The following SNX27 variants were observed in gnomAD, a reference collection of about 807,000 sequenced individuals.
SNX27 encodes the protein sorting nexin 27, also known as sorting nexin-27.
SNX27 carries 22 observed loss-of-function variants against 71.6 expected under a neutral mutation model. That is an observed-to-expected ratio of 0.31 (90% CI 0.22 to 0.44). SNX27 has a LOEUF of 0.44. SNX27 is among the 20% of genes least tolerant of loss of function. The pLI is 1.00. For missense variants in SNX27, 531 were observed against 698.6 expected (o/e 0.76, Z 2.70); for synonymous variants, 269 against 277.2 (o/e 0.97, Z 0.29).
At chr1:151,652,373 T>C (rs1035039127) in intron 2 of SNX27, among the ~76,000 whole-genome samples, 2 of 151,972 alleles carry the variant, frequency 1.3e-5, no homozygotes, top group Admixed American at 6.6e-5. Flanking sequence ...ATGAGACTGT[T>C]AGAGGAACTC....
intron 1 of SNX27, among the ~76,000 whole-genome samples, chr1:151,626,307 C>T (rs952927049): frequency 2.6e-5 from 4 of 151,150 alleles, no homozygotes; most frequent in African/African-American, 9.7e-5. Flanking sequence ...AAAGATGAGA[C>T]CTAATTAGAA....
intron 2 of SNX27, among the ~76,000 whole-genome samples, chr1:151,650,205 T>A (rs1263684636): frequency 3.3e-5 from 5 of 151,978 alleles, no homozygotes; most frequent in African/African-American, 1.2e-4. Context: ...TTTAAAAATT[T>A]TTAGTAGAGA....
In SNX27 at chr1:151,696,651, GTTTTT is replaced by G. The variant is rs5777782; in HGVS notation, c.*2248_*2252del. 0.35 allele frequency: 40,241 copies of G among 113,358 alleles called. 6,107 individuals carry two copies. Among genetic ancestry groups the G allele is most frequent in the Middle Eastern group, 0.44 (110 of 250 alleles). The allele number at this position is 113,358 out of a possible 1,614,324, so 7.0% of individuals were successfully genotyped here. Reference sequence around the variant, plus strand: ...CCCCTTCCTTCCTTCCTTTTTTTCTGTTTTTTTTTTTTTTTTTTCCCAGAGTCTTG... The same window carrying G: ...CCCCTTCCTTCCTTCCTTTTTTTCTGTTTTTTTTTTTTTCCCAGAGTCTTG... On this transcript the variant is annotated 3_prime_UTR_variant, in exon 12 of 12. Coordinates refer to ENST00000458013, the MANE Select transcript of SNX27 (RefSeq NM_001330723.2).
intron 10 of SNX27, 42 bp downstream of exon 10, chr1:151,693,081 T>A: frequency 6.3e-7 from 1 of 1,593,082 alleles, no homozygotes; most frequent in Non-Finnish European, 8.5e-7. Flanking sequence ...TTAGTTTGTT[T>A]TTTTGTTTTT....
chr1:151,612,844 C>T lies in SNX27; in HGVS notation c.311+332C>T, dbSNP rs563138827. On this transcript the variant is annotated intron_variant, in intron 1 of 11. Transcript: ENST00000458013. The surrounding 1 kb of genome is among the most constrained non-coding windows in gnomAD (Gnocchi z 5.2). ...CGTGCTGCATTCTGCTCCTCACTCC[C>T]CCTCGTCTTGCTCAGAAGGAACCTC... 1.3e-5 allele frequency among the ~76,000 whole-genome samples: 2 copies of T among 152,282 alleles called. No homozygotes were observed. The highest frequency in any genetic ancestry group is 4.1e-4 in the South Asian group (2 of 4,826).
Position 151,694,587 on chromosome 1 carries a change from G to C in SNX27, c.*170G>C. 2 of 640,794 alleles carry C rather than the reference G, an allele frequency of 3.1e-6. No individual in the cohort carries two copies. Among genetic ancestry groups the C allele is most frequent in the Non-Finnish European group, 5.0e-6 (2 of 403,218 alleles). 39.7% of individuals were successfully genotyped at this position (640,794 alleles called of 1,614,324 possible). A position where few individuals can be genotyped will look rare whatever the true frequency, so the allele number is the denominator to read the frequency against. On this transcript the variant is annotated 3_prime_UTR_variant, in exon 12 of 12. Transcript: ENST00000458013. ...AACCCCCTCTGAATTTCATGTCTCT[G>C]GAATTGAGGTGGTAGTGAACAGCAG...
At chr1:151,634,795 T>C (rs1558042164) in intron 1 of SNX27, among the ~76,000 whole-genome samples, 1 of 152,204 alleles carries the variant, frequency 6.6e-6, no homozygotes, top group East Asian at 1.9e-4. Context: ...ATTGAGAGAA[T>C]TGTACAGTGA....
chr1:151,645,051 C>T (rs191384393), intron 2 of SNX27, among the ~76,000 whole-genome samples: 12 of 152,228 alleles, frequency 7.9e-5, no homozygotes, highest in African/African-American at 2.4e-4. Context: ...CCACCCGCCT[C>T]GGCCTCCCAA....
At chr1:151,620,698 T>G (rs1667630157) in intron 1 of SNX27, among the ~76,000 whole-genome samples, 2 of 151,686 alleles carry the variant, frequency 1.3e-5, no homozygotes, top group Admixed American at 1.3e-4. Flanking sequence ...AAGATGCTTT[T>G]TTTTTTTTTG....
At chr1:151,678,869 G>A (rs1670816007) in intron 7 of SNX27, 1 of 152,024 alleles carries the variant, frequency 6.6e-6, no homozygotes, top group Admixed American at 6.6e-5. Flanking sequence ...CACTACAGTT[G>A]CATATCACCA....
rs766920612 is a variant in SNX27 at position 151,638,951 on chromosome 1, G to A, written c.375G>A (p.Glu125=). ...KQVVDLIRAG[E]KELILTVLSV... Reference sequence around the variant, plus strand: ...TGGTGGACCTGATTCGAGCAGGCGAGAAGGAATTGATCTTGACAGTGTTAT... The same window carrying A: ...TGGTGGACCTGATTCGAGCAGGCGAAAAGGAATTGATCTTGACAGTGTTAT... Residue 125 remains glutamate, a synonymous_variant, in exon 2 of 12, where the codon GAG becomes GAA. Transcript: ENST00000458013. 11 of 1,614,186 alleles carry A rather than the reference G, an allele frequency of 6.8e-6. No individual in the cohort carries two copies. Among genetic ancestry groups the A allele is most frequent in the Non-Finnish European group, 9.3e-6 (11 of 1,180,044 alleles).
In SNX27 at chr1:151,638,915, A is replaced by T; in HGVS notation, c.339A>T (p.Thr113=). ...ACCACGTGAATGTTGAGGGGGCGAC[A>T]CACAAGCAGGTGGTGGACCTGATTC... ...EVNHVNVEGA[T]HKQVVDLIRA... Residue 113 remains threonine (T), a synonymous_variant, in exon 2 of 12, where the codon ACA becomes ACT. Coordinates refer to ENST00000458013, the MANE Select transcript of SNX27 (RefSeq NM_001330723.2). 2.5e-6 allele frequency: 4 copies of T among 1,614,142 alleles called. No homozygotes were observed. The highest frequency in any genetic ancestry group is 3.4e-6 in the Non-Finnish European group (4 of 1,180,020).
chr1:151,672,442 G>T (rs1315322302), intron 7 of SNX27, among the ~76,000 whole-genome samples: 1 of 152,032 alleles, frequency 6.6e-6, no homozygotes, highest in East Asian at 1.9e-4. Context: ...AGGGATATTG[G>T]TCTGTAGTTT....
At chr1:151,651,746 C>T (rs1318373135) in intron 2 of SNX27, among the ~76,000 whole-genome samples, 1 of 151,870 alleles carries the variant, frequency 6.6e-6, no homozygotes, top group Non-Finnish European at 1.5e-5. Context: ...GGGCTCCTCA[C>T]ATCCCAGATG....
intron 2 of SNX27, among the ~76,000 whole-genome samples, chr1:151,648,180 A>T (rs1015965290): frequency 9.2e-5 from 14 of 151,914 alleles, no homozygotes; most frequent in African/African-American, 3.1e-4. Context: ...CAACCTCCTG[A>T]GTAGCTGTGA....
chr1:151,649,448 G>A (rs1669222307), intron 2 of SNX27, among the ~76,000 whole-genome samples: 1 of 151,914 alleles, frequency 6.6e-6, no homozygotes, highest in Admixed American at 6.6e-5. Flanking sequence ...TGGGCATGGT[G>A]ACACAATGCT....
chr1:151,622,584 T>G (rs913693391), intron 1 of SNX27, among the ~76,000 whole-genome samples: 1 of 152,224 alleles, frequency 6.6e-6, no homozygotes, highest in African/African-American at 2.4e-5. Flanking sequence ...GTATACCAAG[T>G]TAAAATCATC....
intron 5 of SNX27, among the ~76,000 whole-genome samples, chr1:151,665,703 G>A (rs757585754): frequency 2.0e-5 from 3 of 152,194 alleles, no homozygotes; most frequent in Non-Finnish European, 2.9e-5. Context: ...GATAATAGCT[G>A]TTGGGGCAGA....
chr1:151,645,452 C>G (rs965400389), intron 2 of SNX27, among the ~76,000 whole-genome samples: 1 of 152,142 alleles, frequency 6.6e-6, no homozygotes, highest in Non-Finnish European at 1.5e-5. Context: ...TGAGGAGTAT[C>G]GATGTTTTTG....
Sources: allele counts gnomAD v4.1 joint callset (sites outside exome capture counted in the v4.1 genomes callset), GRCh38; gene constraint gnomAD v4.1.1; non-coding constraint Gnocchi (gnomAD v3.1); transcripts MANE v1.5; gene names NCBI Gene and HGNC (gene_info 2026-07-23, HGNC 2026-07-21).